The following SPECC1 variants were observed in gnomAD, a reference collection of about 807,000 sequenced individuals.
SPECC1 encodes the protein sperm antigen with calponin homology and coiled-coil domains 1.
A neutral mutation model predicts 104.1 loss-of-function variants in SPECC1; 62 were observed. The ratio of observed to expected loss-of-function variants is 0.60; its 90% CI spans 0.49 to 0.74. The LOEUF is 0.74. Ranked by LOEUF, SPECC1 falls within the 30% of genes least tolerant of loss-of-function variation. The pLI is 0.00. For missense variants in SPECC1, 1,306 were observed against 1,310.5 expected, an observed-to-expected ratio of 1.00 and a Z score of 0.05; for synonymous variants, 513 against 501.6, an observed-to-expected ratio of 1.02 and a Z score of -0.30.
At position 20,212,177 on chromosome 17, in the gene SPECC1, T is replaced by C. The variant is rs191046638; in HGVS notation, c.1863+6265T>C. ...CCTCCTCTCCCTTGGTGGAGCAGCA[T>C]TGGCCAAAATAATAATAATTCAACT... On this transcript the variant is annotated intron_variant, in intron 4 of 14. Transcript: ENST00000395527. Among the ~76,000 whole-genome samples the C allele has an allele frequency of 6.6e-4, 100 of 152,324 alleles. 1 individual carries two copies. Among genetic ancestry groups the C allele is most frequent in the Middle Eastern group, 3.4e-3 (1 of 294 alleles).
chr17:20,023,964 C>T (rs1040552355), intron 1 of SPECC1, among the ~76,000 whole-genome samples: 4 of 152,056 alleles, frequency 2.6e-5, no homozygotes, highest in African/African-American at 7.2e-5. Flanking sequence ...ACCAAATTTA[C>T]GTGTGATGTG....
intron 1 of SPECC1, among the ~76,000 whole-genome samples, chr17:20,020,602 G>A (rs2044335850): frequency 6.6e-6 from 1 of 152,206 alleles, no homozygotes; most frequent in South Asian, 2.1e-4. Flanking sequence ...AAAGTGCTGG[G>A]ATTACAGGCG....
intron 12 of SPECC1, among the ~76,000 whole-genome samples, chr17:20,286,418 T>G (rs1947401111): frequency 6.6e-6 from 1 of 152,230 alleles, no homozygotes; most frequent in Admixed American, 6.5e-5. Flanking sequence ...CTAACATCCC[T>G]GGGGTGGTCT....
chr17:20,149,318 G>A (rs1456832092), intron 3 of SPECC1, among the ~76,000 whole-genome samples: 1 of 152,184 alleles, frequency 6.6e-6, no homozygotes, highest in Non-Finnish European at 1.5e-5. Flanking sequence ...TCCAAGGTTG[G>A]CACTTGGCTC....
At chr17:20,125,278 A>G (rs1350315402) in intron 3 of SPECC1, among the ~76,000 whole-genome samples, 2 of 152,228 alleles carry the variant, frequency 1.3e-5, no homozygotes, top group Admixed American at 6.5e-5. Flanking sequence ...TTGTCTGGGC[A>G]CTTGAAGTAC....
chr17:20,022,866 TGAG>T (rs1312007845), intron 1 of SPECC1, among the ~76,000 whole-genome samples: 3 of 152,344 alleles, frequency 2.0e-5, no homozygotes, highest in Admixed American at 6.5e-5. Flanking sequence ...GACTCGGCAT[TGAG>T]AACACAGTAG....
intron 1 of SPECC1, among the ~76,000 whole-genome samples, chr17:20,032,775 C>T (rs865876200): frequency 6.6e-6 from 1 of 151,788 alleles, no homozygotes; most frequent in Non-Finnish European, 1.5e-5. Flanking sequence ...TAACTGTTTG[C>T]TCTCACTTGC....
At chr17:20,166,399 ACT>A (rs2033650749) in intron 3 of SPECC1, among the ~76,000 whole-genome samples, 1 of 152,182 alleles carries the variant, frequency 6.6e-6, no homozygotes, top group African/African-American at 2.4e-5. Context: ...TTTACTGGTC[ACT>A]CTGTGATCGT....
chr17:20,180,503 A>G (rs775262905), intron 3 of SPECC1, among the ~76,000 whole-genome samples: 1 of 152,216 alleles, frequency 6.6e-6, no homozygotes, highest in East Asian at 1.9e-4. Context: ...AACATATTCT[A>G]CTAAGAGATG....
At chr17:20,106,510 T>C (rs2048204625) in intron 2 of SPECC1, among the ~76,000 whole-genome samples, 1 of 152,134 alleles carries the variant, frequency 6.6e-6, no homozygotes, top group Non-Finnish European at 1.5e-5. Context: ...AAATTCATGT[T>C]GAATTTTAGC....
chr17:20,217,726 A>G (rs954854271), intron 4 of SPECC1, among the ~76,000 whole-genome samples: 3 of 152,188 alleles, frequency 2.0e-5, no homozygotes, highest in Admixed American at 6.5e-5. Context: ...GCCTTCCAGG[A>G]TCTAAAATGC....
intron 1 of SPECC1, among the ~76,000 whole-genome samples, chr17:20,035,434 A>G (rs897196320): frequency 9.9e-5 from 15 of 152,088 alleles, no homozygotes; most frequent in African/African-American, 3.4e-4. Flanking sequence ...ATTTCACGCT[A>G]TTTAAGTCTT....
intron 3 of SPECC1, among the ~76,000 whole-genome samples, chr17:20,190,997 T>C (rs1239081872): frequency 6.6e-6 from 1 of 152,222 alleles, no homozygotes; most frequent in African/African-American, 2.4e-5. Flanking sequence ...GTTGGAATCA[T>C]ACTGTGTGTA....
In SPECC1 at chr17:20,204,546, T is replaced by A. The variant is rs1369896347; in HGVS notation, c.497T>A (p.Leu166His). 2 of 1,614,156 alleles carry A rather than the reference T, an allele frequency of 1.2e-6. No individual in the cohort carries two copies. Among genetic ancestry groups the A allele is most frequent in the Non-Finnish European group, 1.7e-6 (2 of 1,180,024 alleles). ...AATGAAGGTGGAGAAAAGGCTGCGC[T>A]TGAGTCCCAAGTTCGGGAACTTTTG... ...QENEGGEKAA[L>H]ESQVRELLAE... Residue 166 changes from leucine (L) to histidine (H), a missense_variant, in exon 4 of 15, where the codon CTT (leucine) becomes CAT (histidine). Physicochemically the swap from Leu to His is moderately conservative, Grantham distance 99 (BLOSUM62 -3). This residue lies in a region of SPECC1 where 1,177 missense variants were observed against 1,139.9 expected (regional missense o/e 1.03). Transcript: ENST00000395527.
rs116910404 is a variant in SPECC1, at chr17:20,057,114, C to T, written c.-21-39517C>T. Among the ~76,000 whole-genome samples the T allele has an allele frequency of 1.3e-4, 20 of 152,258 alleles. No homozygotes were observed. The East Asian group carries it at 3.5e-3, about 26-fold the overall frequency. ...CTGAAGGCCACTTTCAGCATTCTTTCAGCTGCTGAGTTAACAAGCATATCA... is the reference window on the plus strand; with the variant it reads ...CTGAAGGCCACTTTCAGCATTCTTTTAGCTGCTGAGTTAACAAGCATATCA... On this transcript the variant is annotated intron_variant, in intron 1 of 14. Coordinates refer to ENST00000395527, the MANE Select transcript of SPECC1 (RefSeq NM_001243439.2).
At chr17:20,021,270 A>G (rs1357089977) in intron 1 of SPECC1, among the ~76,000 whole-genome samples, 3 of 152,008 alleles carry the variant, frequency 2.0e-5, no homozygotes, top group African/African-American at 4.8e-5. Flanking sequence ...GTGCTATTCA[A>G]GGGTCACGCG....
chr17:20,260,065 G>C, intron 11 of SPECC1, 127 bp from the exon 12 acceptor site: 1 of 629,086 alleles, frequency 1.6e-6, no homozygotes, highest in Non-Finnish European at 2.6e-6. Context: ...TAATTCGGCT[G>C]TTTCTTTAGA....
intron 3 of SPECC1, chr17:20,112,360 G>T (rs2048535795): frequency 9.3e-6 from 7 of 756,720 alleles, no homozygotes; most frequent in Non-Finnish European, 1.2e-5. Flanking sequence ...TTGACTCATT[G>T]ATTGAACACC....
At chr17:20,038,891 A>T (rs1217288843) in intron 1 of SPECC1, among the ~76,000 whole-genome samples, 1 of 152,196 alleles carries the variant, frequency 6.6e-6, no homozygotes, top group Non-Finnish European at 1.5e-5. Context: ...CCAGTAGAGC[A>T]CACTCTGTAT....
Sources: allele counts gnomAD v4.1 joint callset (sites outside exome capture counted in the v4.1 genomes callset), GRCh38; gene constraint gnomAD v4.1.1; regional missense constraint gnomAD v4.1.1; transcripts MANE v1.5; gene names NCBI Gene and HGNC (gene_info 2026-07-23, HGNC 2026-07-21).